ETV6: variants seen among roughly 807,000 people sequenced by gnomAD.
ETV6 encodes the protein ETS variant transcription factor 6.
A neutral mutation model predicts 51.1 loss-of-function variants in ETV6; 16 were observed. The observed-to-expected ratio is 0.31, with a 90% CI of 0.21 to 0.48. The LOEUF is 0.48. Ranked by LOEUF, ETV6 falls within the 20% of genes least tolerant of loss-of-function variation. ETV6 has a pLI of 0.99. For synonymous variants in ETV6, 240 were observed against 224.1 expected (o/e 1.07, Z -0.64); for missense variants, 458 against 594.8 (o/e 0.77, Z 2.39).
chr12:11,713,332 A>T (rs970698617), intron 1 of ETV6, among the ~76,000 whole-genome samples: 1 of 152,202 alleles, frequency 6.6e-6, no homozygotes, highest in Non-Finnish European at 1.5e-5. Context: ...TTAAATCATT[A>T]CTCAAATTGA....
At chr12:11,651,164 C>G (rs1307647647) in intron 1 of ETV6, among the ~76,000 whole-genome samples, 2 of 152,208 alleles carry the variant, frequency 1.3e-5, no homozygotes, top group Admixed American at 1.3e-4. Flanking sequence ...CCACCAGTAC[C>G]CAGGTAGAAA....
At chr12:11,768,500 G>T (rs1280574539) in intron 2 of ETV6, among the ~76,000 whole-genome samples, 2 of 152,150 alleles carry the variant, frequency 1.3e-5, no homozygotes, top group South Asian at 4.1e-4. Flanking sequence ...ACTCATGTCT[G>T]CCTGCTCCAA....
chr12:11,768,856 A>G (rs1477215161), intron 2 of ETV6: 3 of 454,144 alleles, frequency 6.6e-6, no homozygotes, highest in Non-Finnish European at 1.3e-5. Flanking sequence ...CCAGCTACAT[A>G]AAGAAGGTGG....
At chr12:11,802,635 C>T (rs1473137419) in intron 2 of ETV6, among the ~76,000 whole-genome samples, 3 of 152,162 alleles carry the variant, frequency 2.0e-5, no homozygotes, top group Admixed American at 6.5e-5. Context: ...TCTTGCAGGA[C>T]GACCAATCTT....
intron 1 of ETV6, among the ~76,000 whole-genome samples, chr12:11,748,027 C>T (rs141495439): frequency 2.0e-3 from 310 of 152,360 alleles, no homozygotes; most frequent in African/African-American, 7.2e-3. Context: ...TTCTAAACAC[C>T]TGCAGGGTGG....
At chr12:11,717,528 G>A (rs1260495442) in intron 1 of ETV6, among the ~76,000 whole-genome samples, 3 of 152,194 alleles carry the variant, frequency 2.0e-5, no homozygotes, top group African/African-American at 7.2e-5. Context: ...TATGGGGCAT[G>A]TATACATGTG....
rs1565555150 is a variant in ETV6 at position 11,859,118 on chromosome 12, G to GCTTTTT, written c.463+5557_463+5558insCTTTTT. Among the ~76,000 whole-genome samples the GCTTTTT allele has an allele frequency of 2.2e-3, 91 of 41,800 alleles. 43 individuals carry two copies. The highest frequency in any genetic ancestry group is 4.5e-3 in the African/African-American group (65 of 14,398). The allele number at this position is 41,800 out of a possible 152,430, so 27.4% of individuals were successfully genotyped here. On this transcript the variant is annotated intron_variant, in intron 4 of 7. Transcript: ENST00000396373. ...TAAAGAAGATGAGGTATATGAATCTGGTTTTTTTTTTTTTTTTTTTTTTTT... is the reference window on the plus strand; with the variant it reads ...TAAAGAAGATGAGGTATATGAATCTGCTTTTTGTTTTTTTTTTTTTTTTTTTTTTTT...
intron 5 of ETV6, among the ~76,000 whole-genome samples, chr12:11,883,045 G>C (rs1947125223): frequency 6.6e-6 from 1 of 152,172 alleles, no homozygotes. Flanking sequence ...TCCATCACCA[G>C]CCATTCTGAC....
chr12:11,821,772 C>T (rs1419257938), intron 2 of ETV6, among the ~76,000 whole-genome samples: 2 of 152,104 alleles, frequency 1.3e-5, no homozygotes, highest in Non-Finnish European at 2.9e-5. Context: ...GCCAGGAGTT[C>T]GAGGCTGCAG....
At chr12:11,883,504 A>G (rs889992677) in intron 5 of ETV6, among the ~76,000 whole-genome samples, 1 of 151,764 alleles carries the variant, frequency 6.6e-6, no homozygotes, top group Admixed American at 6.6e-5. Context: ...CACGTTGGTC[A>G]GGCTGGTCTC....
chr12:11,880,580 C>T (rs1947075827), intron 5 of ETV6, among the ~76,000 whole-genome samples: 1 of 152,170 alleles, frequency 6.6e-6, no homozygotes, highest in Non-Finnish European at 1.5e-5. Context: ...AAAAGAGAAG[C>T]AACAGAAACA....
At chr12:11,870,129 C>A (rs567642416) in intron 5 of ETV6, among the ~76,000 whole-genome samples, 160 bp downstream of exon 5, 1 of 152,188 alleles carries the variant, frequency 6.6e-6, no homozygotes, top group East Asian at 1.9e-4. Context: ...GAGGCTAAAT[C>A]CCTAATGGCT....
At chr12:11,820,860 T>C (rs961279941) in intron 2 of ETV6, among the ~76,000 whole-genome samples, 1 of 152,144 alleles carries the variant, frequency 6.6e-6, no homozygotes, top group African/African-American at 2.4e-5. Flanking sequence ...TTTGAATCAA[T>C]CTCTGGCAGG....
At chr12:11,700,426 T>C (rs1864956901) in intron 1 of ETV6, among the ~76,000 whole-genome samples, 1 of 152,190 alleles carries the variant, frequency 6.6e-6, no homozygotes, top group Non-Finnish European at 1.5e-5. Context: ...TGTATGTTCC[T>C]GTATACCCAT....
intron 3 of ETV6, among the ~76,000 whole-genome samples, chr12:11,851,164 A>G (rs1029864087): frequency 4.0e-5 from 6 of 151,742 alleles, no homozygotes; most frequent in African/African-American, 1.5e-4. Flanking sequence ...AACCAAGCTG[A>G]ACACCCTCAC....
In ETV6 at chr12:11,807,090, G is replaced by A. The variant is rs1362495865; in HGVS notation, c.164-32050G>A. On this transcript the variant is annotated intron_variant, in intron 2 of 7. Transcript: ENST00000396373. ...CAGACAGATTCTGAGGGTCACAAAC[G>A]TCAGTTTGCCAAGTATGTTTAGGCT... is the stretch of plus-strand genomic sequence containing the variant. 2.6e-5 allele frequency among the ~76,000 whole-genome samples: 4 copies of A among 152,206 alleles called. No individual in the cohort carries two copies. In the East Asian group the frequency reaches 5.8e-4, roughly 22 times the overall value.
At chr12:11,667,533 T>TTTTC (rs10693620) in intron 1 of ETV6, among the ~76,000 whole-genome samples, 122,608 of 139,552 alleles carry the variant, frequency 0.88, 53,813 homozygotes, top group East Asian at 0.98. Flanking sequence ...TGGTGGTTTA[T>TTTTC]TTTCTTTTTT....
At chr12:11,786,956 T>C (rs1267335187) in intron 2 of ETV6, among the ~76,000 whole-genome samples, 2 of 152,172 alleles carry the variant, frequency 1.3e-5, no homozygotes, top group Admixed American at 1.3e-4. Flanking sequence ...TTGCCAGTGA[T>C]CAAACGCTGA....
intron 1 of ETV6, among the ~76,000 whole-genome samples, chr12:11,711,459 T>C (rs1428995486): frequency 6.6e-6 from 1 of 152,222 alleles, no homozygotes; most frequent in Non-Finnish European, 1.5e-5. Context: ...GTGGAAACTT[T>C]CTTTTTGGAA....
Sources: allele counts gnomAD v4.1 joint callset (sites outside exome capture counted in the v4.1 genomes callset), GRCh38; gene constraint gnomAD v4.1.1; transcripts MANE v1.5; gene names NCBI Gene and HGNC (gene_info 2026-07-23, HGNC 2026-07-21).